The following YBEY variants were observed in gnomAD, a reference collection of about 807,000 sequenced individuals.
The protein encoded by YBEY is endoribonuclease YbeY.
YBEY carries 15 observed loss-of-function variants against 13.5 expected under a neutral mutation model. That is an observed-to-expected ratio of 1.11 (90% CI 0.75 to 1.72). The LOEUF (loss-of-function observed/expected upper bound fraction) is 1.72, where lower values mean the gene tolerates loss of function less well. YBEY is among the 40% of genes most tolerant of loss of function. The pLI, the probability that YBEY is intolerant of heterozygous loss-of-function variation, is 0.00. For missense variants in YBEY, 244 were observed against 208.4 expected, an observed-to-expected ratio of 1.17 and a Z score of -1.05; for synonymous variants, 101 against 83.1, an observed-to-expected ratio of 1.21 and a Z score of -1.17.
At chr21:46,295,315 C>T (rs1042128950) in intron 3 of YBEY, among the ~76,000 whole-genome samples, 1 of 152,024 alleles carries the variant, frequency 6.6e-6, no homozygotes, top group Non-Finnish European at 1.5e-5. Flanking sequence ...ATCTACCCTG[C>T]CTTGTCCTCC....
chr21:46,293,559 G>C, intron 3 of YBEY, among the ~76,000 whole-genome samples: 1 of 8,908 alleles, frequency 1.1e-4, no homozygotes, highest in African/African-American at 3.9e-4. Context: ...CGGTTAGCCT[G>C]ACCCGTGCCC....
At chr21:46,290,664 T>A (rs2081660586) in intron 2 of YBEY, among the ~76,000 whole-genome samples, 1 of 151,784 alleles carries the variant, frequency 6.6e-6, no homozygotes, top group Non-Finnish European at 1.5e-5. Flanking sequence ...ATCCCAGCAC[T>A]CTGGGAGGCT....
the YBEY span, among the ~76,000 whole-genome samples, chr21:46,303,571 G>A: frequency 3.5e-4 from 53 of 149,628 alleles, no homozygotes; most frequent in African/African-American, 1.3e-3. Context: ...AGCCAATAAG[G>A]CCAGGCACGG....
At chr21:46,303,757 T>TA in the YBEY span, among the ~76,000 whole-genome samples, 3,546 of 82,198 alleles carry the variant, frequency 0.043, 322 homozygotes, top group Non-Finnish European at 0.071. Context: ...TTTTTTTTTT[T>TA]TTTTTTTTTT....
the YBEY span, among the ~76,000 whole-genome samples, chr21:46,310,099 AAAAG>A: frequency 2.1e-3 from 315 of 152,324 alleles, 3 homozygotes; most frequent in Middle Eastern, 0.02. Flanking sequence ...GGAGGGATTA[AAAAG>A]AAACACGAGG....
intron 3 of YBEY, among the ~76,000 whole-genome samples, chr21:46,295,096 G>C (rs1022798354): frequency 1.3e-5 from 2 of 152,274 alleles, no homozygotes; most frequent in Non-Finnish European, 2.9e-5. Context: ...TGTGGGCGGG[G>C]GGGTATGTGG....
intron 4 of YBEY, among the ~76,000 whole-genome samples, chr21:46,296,887 A>G (rs1391668755): frequency 6.6e-6 from 1 of 151,820 alleles, no homozygotes; most frequent in African/African-American, 2.4e-5. Context: ...CCAGCTACTC[A>G]GGAGGCTGAG....
At chr21:46,296,310 T>TC in intron 4 of YBEY, 80 bp downstream of exon 4, 2 of 1,400,500 alleles carry the variant, frequency 1.4e-6, no homozygotes, top group South Asian at 2.3e-5. Context: ...GCCCCCACCC[T>TC]CCATCTTGAC....
downstream of YBEY, among the ~76,000 whole-genome samples, chr21:46,300,975 G>A (rs372480310): frequency 2.2e-3 from 340 of 152,192 alleles, 1 homozygote; most frequent in African/African-American, 7.7e-3. Flanking sequence ...ACTGAACTGA[G>A]GGGAGTGAGC....
chr21:46,305,662 G>A, the YBEY span, among the ~76,000 whole-genome samples: 80,933 of 151,986 alleles, frequency 0.53, 23,099 homozygotes, highest in Non-Finnish European at 0.63. Context: ...AATCTTGGCC[G>A]GGCGCGGTGG....
chr21:46,311,050 T>C, the YBEY span, among the ~76,000 whole-genome samples: 1 of 151,796 alleles, frequency 6.6e-6, no homozygotes, highest in Admixed American at 6.6e-5. Flanking sequence ...TTTTGTATTT[T>C]TAGTAGAGAT....
downstream of YBEY, chr21:46,302,576 T>G: frequency 6.2e-7 from 1 of 1,610,320 alleles, no homozygotes; most frequent in Non-Finnish European, 8.5e-7. Context: ...CTCCACCATG[T>G]CTGCAGGGAA....
chr21:46,294,990 C>T (rs1033480846), intron 3 of YBEY, among the ~76,000 whole-genome samples: 1 of 152,130 alleles, frequency 6.6e-6, no homozygotes, highest in Non-Finnish European at 1.5e-5. Context: ...GGGACTTGCC[C>T]GCCATGCACA....
At chr21:46,306,372 G>A in the YBEY span, among the ~76,000 whole-genome samples, 2 of 150,476 alleles carry the variant, frequency 1.3e-5, no homozygotes, top group South Asian at 4.2e-4. Flanking sequence ...GGTGGCACAC[G>A]CCTGTAGTCC....
At chr21:46,294,545 G>A (rs868498312) in intron 3 of YBEY, among the ~76,000 whole-genome samples, 40 of 63,564 alleles carry the variant, frequency 6.3e-4, no homozygotes, top group African/African-American at 3.2e-3. Context: ...ACTCAGTGGA[G>A]TCAGCCACAC....
At chr21:46,304,803 G>A in the YBEY span, among the ~76,000 whole-genome samples, 24 of 152,314 alleles carry the variant, frequency 1.6e-4, no homozygotes, top group African/African-American at 5.3e-4. Context: ...TCTTGAGCGG[G>A]GACGGAAGCA....
chr21:46,289,695 C>G lies in YBEY; in HGVS notation c.211-1639C>G, dbSNP rs899888109. Among the ~76,000 whole-genome samples, 4 of 151,890 alleles carry G rather than the reference C, an allele frequency of 2.6e-5. 1 individual carries two copies. Among genetic ancestry groups the G allele is most frequent in the Admixed American group, 2.6e-4 (4 of 15,250 alleles). On this transcript the variant is annotated intron_variant, in intron 2 of 4. Transcript: ENST00000397701. ...TCTAGAACTCCTGACCTCAGGTGAT[C>G]TACCCGCCTCTGCCTTCCAAAGTGC...
At chr21:46,299,129 G>A (rs544489388), downstream of YBEY, among the ~76,000 whole-genome samples, 1 of 150,536 alleles carries the variant, frequency 6.6e-6, no homozygotes, top group East Asian at 1.9e-4. Flanking sequence ...ACCACACCTG[G>A]CTAATTTTTG....
downstream of YBEY, among the ~76,000 whole-genome samples, chr21:46,297,918 A>C (rs1380006661): frequency 6.6e-6 from 1 of 152,172 alleles, no homozygotes; most frequent in Non-Finnish European, 1.5e-5. Context: ...GCCCCCGGAG[A>C]GGAAGGGGCT....
Sources: allele counts gnomAD v4.1 joint callset (sites outside exome capture counted in the v4.1 genomes callset), GRCh38; gene constraint gnomAD v4.1.1; transcripts MANE v1.5; gene names NCBI Gene and HGNC (gene_info 2026-07-23, HGNC 2026-07-21).